Variants in ATP1B3 observed in about 807,000 individuals in gnomAD.
ATP1B3 encodes the protein ATPase Na+/K+ transporting subunit beta 3.
In ATP1B3, 10 loss-of-function variants were observed where a neutral mutation model predicts 30.2. That is an observed-to-expected ratio of 0.33 (90% CI 0.20 to 0.56). The LOEUF (loss-of-function observed/expected upper bound fraction) is 0.56. Ranked by LOEUF, ATP1B3 falls within the 20% of genes least tolerant of loss-of-function variation. ATP1B3 has a pLI of 0.90. For synonymous variants in ATP1B3, 113 were observed against 117.0 expected (o/e 0.97, Z 0.22); for missense variants, 238 against 336.7 (o/e 0.71, Z 2.29).
At chr3:141,876,990 C>G in intron 1 of ATP1B3, 80 bp downstream of exon 1, 1 of 1,127,212 alleles carries the variant, frequency 8.9e-7, no homozygotes, top group Non-Finnish European at 1.2e-6. Flanking sequence ...AACGGAAAGG[C>G]GGGAGGCGGC....
chr3:141,896,966 G>T (rs1337802383), intron 1 of ATP1B3, among the ~76,000 whole-genome samples: 1 of 152,174 alleles, frequency 6.6e-6, no homozygotes, highest in Non-Finnish European at 1.5e-5. Context: ...GAGGTAGCCT[G>T]TATAGCCAAG....
intron 1 of ATP1B3, among the ~76,000 whole-genome samples, chr3:141,883,878 A>C (rs1156446257): frequency 1.3e-5 from 2 of 152,180 alleles, no homozygotes; most frequent in Non-Finnish European, 2.9e-5. Flanking sequence ...AGTGTTCAAA[A>C]GAAGCTTAGT....
chr3:141,922,015 T>G lies in ATP1B3; in HGVS notation c.621T>G (p.Asn207Lys), dbSNP rs1236238350. The G allele has an allele frequency of 6.4e-7, 1 of 1,555,922 alleles. No individual in the cohort carries two copies. The highest frequency in any genetic ancestry group is 1.4e-5 in the African/African-American group (1 of 73,030). ...DIPNVAVYPH[N>K]GMIDLKYFPY... is the part of the protein sequence containing the mutation. ...CAAATGTAGCAGTTTATCCTCATAATGGAATGATAGACTTAAAATATTTCC... is the reference window on the plus strand; with the variant it reads ...CAAATGTAGCAGTTTATCCTCATAAGGGAATGATAGACTTAAAATATTTCC... Residue 207 changes from asparagine (N) to lysine (K), a missense_variant, in exon 6 of 7, where the codon AAT becomes AAG. This residue lies in a region of ATP1B3 where 58 missense variants were observed against 125.6 expected (regional missense o/e 0.46). Transcript: ENST00000286371.
intron 5 of ATP1B3, among the ~76,000 whole-genome samples, chr3:141,920,451 C>T (rs531232269): frequency 6.6e-6 from 1 of 151,682 alleles, no homozygotes; most frequent in Non-Finnish European, 1.5e-5. Flanking sequence ...CGCTTGAACC[C>T]GGGAGGAGGA....
At chr3:141,921,613 G>T in intron 5 of ATP1B3, 1 of 166,862 alleles carries the variant, frequency 6.0e-6, no homozygotes, top group Non-Finnish European at 1.3e-5. Context: ...GAAAACATCG[G>T]TCCTAAACCT....
chr3:141,914,290 C>T (rs541482429), intron 4 of ATP1B3, among the ~76,000 whole-genome samples: 1 of 152,218 alleles, frequency 6.6e-6, no homozygotes, highest in South Asian at 2.1e-4. Flanking sequence ...TTTATAGTAT[C>T]AGTATATATA....
intron 3 of ATP1B3, among the ~76,000 whole-genome samples, chr3:141,910,554 C>T (rs1934340545): frequency 6.6e-6 from 1 of 151,892 alleles, no homozygotes; most frequent in South Asian, 2.1e-4. Context: ...TTTATATCTT[C>T]TTTTATCATC....
chr3:141,899,789 A>G (rs1352145390), intron 1 of ATP1B3, among the ~76,000 whole-genome samples: 1 of 152,150 alleles, frequency 6.6e-6, no homozygotes, highest in African/African-American at 2.4e-5. Context: ...GAATCACTTG[A>G]ACCCAGGAGG....
intron 1 of ATP1B3, among the ~76,000 whole-genome samples, chr3:141,899,297 A>G (rs993150888): frequency 6.6e-6 from 1 of 152,198 alleles, no homozygotes; most frequent in Non-Finnish European, 1.5e-5. Flanking sequence ...CATATAATGG[A>G]TTTTTTAGAA....
chr3:141,915,408 C>T (rs534414549), intron 4 of ATP1B3, among the ~76,000 whole-genome samples: 1 of 152,328 alleles, frequency 6.6e-6, no homozygotes, highest in African/African-American at 2.4e-5. Context: ...AAAATTATCT[C>T]ACAAAATGTA....
chr3:141,890,594 C>T (rs907899844), intron 1 of ATP1B3, among the ~76,000 whole-genome samples: 13 of 151,658 alleles, frequency 8.6e-5, no homozygotes, highest in Non-Finnish European at 2.9e-5. Flanking sequence ...TGAGCCACCA[C>T]GCCCACCTAA....
intron 1 of ATP1B3, among the ~76,000 whole-genome samples, chr3:141,885,792 G>A (rs1933817767): frequency 6.6e-6 from 1 of 151,876 alleles, no homozygotes; most frequent in South Asian, 2.1e-4. Flanking sequence ...AAAACTTGAA[G>A]CACCAGATGA....
intron 4 of ATP1B3, among the ~76,000 whole-genome samples, chr3:141,914,557 A>G (rs140941627): frequency 2.2e-3 from 337 of 152,230 alleles, no homozygotes; most frequent in African/African-American, 7.8e-3. Context: ...CTGCTCTGTA[A>G]ATGTACTTCA....
intron 2 of ATP1B3, among the ~76,000 whole-genome samples, chr3:141,905,694 C>T (rs1934252167): frequency 1.3e-5 from 2 of 152,156 alleles, no homozygotes; most frequent in Non-Finnish European, 2.9e-5. Context: ...CATTGTAGCA[C>T]TGTTTTTTTC....
intron 1 of ATP1B3, among the ~76,000 whole-genome samples, chr3:141,892,709 A>G (rs1396071074): frequency 6.7e-6 from 1 of 150,108 alleles, no homozygotes; most frequent in Non-Finnish European, 1.5e-5. Flanking sequence ...TTAAAACTTT[A>G]GCCTTATGTA....
chr3:141,906,153 G>A (rs1472310861), intron 2 of ATP1B3, among the ~76,000 whole-genome samples: 1 of 151,594 alleles, frequency 6.6e-6, no homozygotes, highest in East Asian at 1.9e-4. Context: ...TAAAGCCTAT[G>A]TGCAAGGTTG....
In ATP1B3 at chr3:141,905,543, T is replaced by A. The variant is rs370434650; in HGVS notation, c.239-1624T>A. 6.7e-4 allele frequency among the ~76,000 whole-genome samples: 102 copies of A among 152,346 alleles called. 1 individual carries two copies. Among genetic ancestry groups the A allele is most frequent in the African/African-American group, 2.3e-3 (96 of 41,580 alleles). Reference sequence around the variant, plus strand: ...GAACTAATTGTCTCAACCATTTTTTTTCCTAGAACAATTTTTTTCTAATGA... The same window carrying A: ...GAACTAATTGTCTCAACCATTTTTTATCCTAGAACAATTTTTTTCTAATGA... On this transcript the variant is annotated intron_variant, in intron 2 of 6. Transcript: ENST00000286371.
At chr3:141,892,346 A>C (rs562291106) in intron 1 of ATP1B3, among the ~76,000 whole-genome samples, 1 of 151,910 alleles carries the variant, frequency 6.6e-6, no homozygotes, top group South Asian at 2.1e-4. Flanking sequence ...GACCTATTTT[A>C]TTTTCCTGTT....
At chr3:141,908,068 CTTTTTTT>C (rs56374653) in intron 3 of ATP1B3, among the ~76,000 whole-genome samples, 2 of 109,212 alleles carry the variant, frequency 1.8e-5, no homozygotes, top group African/African-American at 3.4e-5. Context: ...GCCAGGCATT[CTTTTTTT>C]TTTTTTTTTT....
Sources: gnomAD v4.1 joint callset for allele counts (sites outside exome capture counted in the v4.1 genomes callset) on GRCh38, gnomAD v4.1.1 for gene constraint, gnomAD v4.1.1 regional missense constraint, MANE v1.5 for transcripts, NCBI Gene and HGNC (gene_info 2026-07-23, HGNC 2026-07-21) for gene names.